PTGIS: variants seen among roughly 807,000 people sequenced by gnomAD.
PTGIS encodes prostaglandin I2 synthase.
PTGIS carries 45 observed loss-of-function variants against 50.3 expected under a neutral mutation model. The observed-to-expected ratio is 0.90, with a 90% CI of 0.70 to 1.15. PTGIS has a LOEUF of 1.15. Among genes scored for constraint, PTGIS ranks in the 50% most tolerant of loss-of-function variants. PTGIS has a pLI of 0.00. For missense variants in PTGIS, 668 were observed against 661.3 expected, an observed-to-expected ratio of 1.01 and a Z score of -0.11; for synonymous variants, 260 against 267.7, an observed-to-expected ratio of 0.97 and a Z score of 0.28.
chr20:49,557,008 T>C (rs951307083), intron 1 of PTGIS, among the ~76,000 whole-genome samples: 5 of 152,232 alleles, frequency 3.3e-5, no homozygotes, highest in Non-Finnish European at 7.3e-5. Flanking sequence ...ATCATTTTCA[T>C]ACCTGCCTAC....
intron 3 of PTGIS, among the ~76,000 whole-genome samples, chr20:49,546,873 G>A (rs1209349686): frequency 1.3e-5 from 2 of 152,214 alleles, no homozygotes; most frequent in African/African-American, 4.8e-5. Flanking sequence ...GGTACAATGG[G>A]TCCTCAGATG....
At position 49,544,410 on chromosome 20, in the gene PTGIS, G is replaced by A; in HGVS notation, c.416C>T (p.Ala139Val). Residue 139 changes from alanine to valine, a missense_variant, in exon 4 of 10, where the codon GCC becomes GTC. Coordinates refer to ENST00000244043, the MANE Select transcript of PTGIS (RefSeq NM_000961.4). ...LHRELQALTE[A>V]MYTNLHAVLL... is the part of the protein sequence containing the mutation. ...CACTGCATGGAGGTTGGTATACATG[G>A]CTTCTGTGAGTGCCTGGAGCTCTCT... The A allele has an allele frequency of 6.2e-7, 1 of 1,614,140 alleles. No homozygotes were observed. Among genetic ancestry groups the A allele is most frequent in the South Asian group, 1.1e-5 (1 of 91,068 alleles).
rs752431858 is a variant in PTGIS, at chr20:49,513,231, G to C, written c.1055C>G (p.Thr352Arg). ...CTCGCGGGTGATGAAGGGGGCAGCT[G>C]TAAGCCTGAGGCTCTCACTCAGCAC... ...DSVLSESLRL[T>R]AAPFITREVV... The change falls in exon 8 of 10, where the codon ACA becomes AGA. Residue 352 changes from threonine to arginine, a missense_variant. Coordinates refer to ENST00000244043, the MANE Select transcript of PTGIS (RefSeq NM_000961.4). 1.5e-5 allele frequency: 25 copies of C among 1,613,784 alleles called. No individual in the cohort carries two copies. Among genetic ancestry groups the C allele is most frequent in the Non-Finnish European group, 2.1e-5 (25 of 1,180,044 alleles).
intron 5 of PTGIS, among the ~76,000 whole-genome samples, chr20:49,524,984 T>C (rs180821978): frequency 2.3e-3 from 347 of 152,338 alleles, no homozygotes; most frequent in Non-Finnish European, 4.1e-3. Context: ...CACTAAACAC[T>C]GAGCAGCATT....
At chr20:49,521,630 A>G (rs1981652302) in intron 6 of PTGIS, among the ~76,000 whole-genome samples, 1 of 152,298 alleles carries the variant, frequency 6.6e-6, no homozygotes, top group East Asian at 1.9e-4. Context: ...ACAACTGCCA[A>G]TTGATCCCAG....
At chr20:49,535,400 A>G (rs1326587831) in intron 5 of PTGIS, among the ~76,000 whole-genome samples, 1 of 152,246 alleles carries the variant, frequency 6.6e-6, no homozygotes, top group Non-Finnish European at 1.5e-5. Context: ...ATACAAGTAC[A>G]ATGAAATGGT....
intron 5 of PTGIS, among the ~76,000 whole-genome samples, chr20:49,529,857 A>G (rs560424529): frequency 4.6e-5 from 7 of 152,152 alleles, no homozygotes; most frequent in Non-Finnish European, 7.3e-5. Flanking sequence ...CCTCATTTAT[A>G]AATTAAACTT....
intron 1 of PTGIS, among the ~76,000 whole-genome samples, chr20:49,561,738 A>G (rs1180407866): frequency 6.6e-6 from 1 of 152,190 alleles, no homozygotes; most frequent in African/African-American, 2.4e-5. Context: ...GTAAAATGGA[A>G]GCAATAATGC....
chr20:49,535,296 CA>C (rs1416240225), intron 5 of PTGIS, among the ~76,000 whole-genome samples: 1 of 152,086 alleles, frequency 6.6e-6, no homozygotes, highest in Non-Finnish European at 1.5e-5. Context: ...GTGGCAGAAG[CA>C]GATAAAAATT....
intron 6 of PTGIS, among the ~76,000 whole-genome samples, chr20:49,516,077 C>T (rs1981466708): frequency 6.7e-6 from 1 of 149,730 alleles, no homozygotes; most frequent in Non-Finnish European, 1.5e-5. Context: ...ATGGAGGTCT[C>T]CCTATGTTTC....
chr20:49,559,857 A>G (rs1021328334), intron 1 of PTGIS, among the ~76,000 whole-genome samples: 2 of 151,868 alleles, frequency 1.3e-5, no homozygotes, highest in East Asian at 3.9e-4. Flanking sequence ...TGATGAAAAT[A>G]TTCTGGAATT....
At chr20:49,553,614 AG>A (rs1194164315) in intron 1 of PTGIS, among the ~76,000 whole-genome samples, 1 of 152,002 alleles carries the variant, frequency 6.6e-6, no homozygotes, top group African/African-American at 2.4e-5. Flanking sequence ...TTCCTTAAAA[AG>A]TTACAGAAAA....
In PTGIS at chr20:49,506,877, CT is replaced by C. The variant is rs971681853; in HGVS notation, c.*1042del. The C allele has an allele frequency of 3.3e-5, 5 of 152,354 alleles. No homozygotes were observed. Among genetic ancestry groups the C allele is most frequent in the African/African-American group, 9.6e-5 (4 of 41,560 alleles). 9.4% of individuals were successfully genotyped at this position (152,354 alleles called of 1,614,324 possible). On this transcript the variant is annotated 3_prime_UTR_variant, in exon 10 of 10. Transcript: ENST00000244043. ...CCTGGTGAAGCCGAGAGCACATGTC[CT>C]GCATAAGGGAGGCGGCTGCCACTCA...
chr20:49,529,713 A>AGC (rs1297402772), intron 5 of PTGIS, among the ~76,000 whole-genome samples: 1 of 152,160 alleles, frequency 6.6e-6, no homozygotes, highest in East Asian at 1.9e-4. Flanking sequence ...GTCACTTGGG[A>AGC]GCCACTGTCT....
intron 4 of PTGIS, among the ~76,000 whole-genome samples, chr20:49,541,020 G>A (rs180884529): frequency 6.0e-4 from 92 of 152,338 alleles, no homozygotes; most frequent in Non-Finnish European, 7.9e-4. Context: ...TCCCTGCTCT[G>A]TCCCTCACCT....
chr20:49,557,079 T>C (rs1982637924), intron 1 of PTGIS, among the ~76,000 whole-genome samples: 1 of 152,188 alleles, frequency 6.6e-6, no homozygotes. Context: ...TTCTTTCTTT[T>C]TTGTTTATCT....
chr20:49,508,544 T>C (rs1885726424), intron 9 of PTGIS, among the ~76,000 whole-genome samples: 1 of 152,202 alleles, frequency 6.6e-6, no homozygotes, highest in African/African-American at 2.4e-5. Flanking sequence ...GAGCCTGTGC[T>C]GATTAATACG....
intron 5 of PTGIS, among the ~76,000 whole-genome samples, chr20:49,530,771 T>C (rs1260595791): frequency 6.6e-6 from 1 of 152,208 alleles, no homozygotes; most frequent in Non-Finnish European, 1.5e-5. Context: ...TGGATTTTTG[T>C]GTTTTTTGAG....
At chr20:49,560,983 T>A (rs932941238) in intron 1 of PTGIS, among the ~76,000 whole-genome samples, 1 of 149,750 alleles carries the variant, frequency 6.7e-6, no homozygotes, top group African/African-American at 2.4e-5. Flanking sequence ...AGGAAGGAGA[T>A]GTGTCAGGGA....
Sources: allele counts gnomAD v4.1 joint callset (sites outside exome capture counted in the v4.1 genomes callset), GRCh38; gene constraint gnomAD v4.1.1; transcripts MANE v1.5; gene names NCBI Gene and HGNC (gene_info 2026-07-23, HGNC 2026-07-21).